Variants in ACBD6 observed in about 807,000 individuals in gnomAD.
ACBD6 encodes the protein acyl-CoA binding domain containing 6.
In ACBD6, 28 loss-of-function variants were observed where a neutral mutation model predicts 37.2. The ratio of observed to expected loss-of-function variants is 0.75; its 90% confidence interval spans 0.56 to 1.03. The LOEUF is 1.03. Among genes scored for constraint, ACBD6 ranks in the 50% least tolerant of loss-of-function variants. The pLI is 0.00. For synonymous variants in ACBD6, 113 were observed against 126.8 expected, an observed-to-expected ratio of 0.89 and a Z score of 0.73; for missense variants, 340 against 337.4, an observed-to-expected ratio of 1.01 and a Z score of -0.06.
intron 6 of ACBD6, among the ~76,000 whole-genome samples, chr1:180,393,104 G>T (rs1269396313): frequency 6.6e-6 from 1 of 152,140 alleles, no homozygotes; most frequent in African/African-American, 2.4e-5. Flanking sequence ...GTGTGCGTGC[G>T]CACGCCCGTA....
At chr1:180,298,862 A>G (rs1221592240) in intron 7 of ACBD6, among the ~76,000 whole-genome samples, 1 of 152,196 alleles carries the variant, frequency 6.6e-6, no homozygotes, top group African/African-American at 2.4e-5. Flanking sequence ...AAAGAATGAG[A>G]CTGAATAACT....
At chr1:180,336,045 T>TCC (rs1327733266) in intron 6 of ACBD6, among the ~76,000 whole-genome samples, 1 of 151,386 alleles carries the variant, frequency 6.6e-6, no homozygotes, top group Non-Finnish European at 1.5e-5. Context: ...AGACTTAGAC[T>TCC]CCCACACAAT....
intron 6 of ACBD6, among the ~76,000 whole-genome samples, chr1:180,376,280 A>G (rs977171531): frequency 6.6e-6 from 1 of 152,200 alleles, no homozygotes; most frequent in Non-Finnish European, 1.5e-5. Flanking sequence ...ACATCTAACA[A>G]AATACTACAT....
At chr1:180,304,900 C>G (rs1344348461) in intron 7 of ACBD6, among the ~76,000 whole-genome samples, 1 of 152,052 alleles carries the variant, frequency 6.6e-6, no homozygotes, top group Non-Finnish European at 1.5e-5. Flanking sequence ...GGTACCAAAA[C>G]AGAGATATAG....
At chr1:180,344,730 G>T (rs1052683387) in intron 6 of ACBD6, among the ~76,000 whole-genome samples, 16 of 152,120 alleles carry the variant, frequency 1.1e-4, no homozygotes, top group African/African-American at 3.9e-4. Context: ...GATGCTCAGA[G>T]ACATTATATA....
At chr1:180,271,903 G>T (rs1029310450) in exon 14 of ACBD6, 3 of 1,613,534 alleles carry the variant, frequency 1.9e-6, no homozygotes, top group African/African-American at 1.3e-5. Flanking sequence ...ACCGCTGGGG[G>T]CAGTTCTATA....
At chr1:180,460,749 C>A (rs550582442) in intron 3 of ACBD6, among the ~76,000 whole-genome samples, 1 of 152,328 alleles carries the variant, frequency 6.6e-6, no homozygotes, top group South Asian at 2.1e-4. Context: ...ATCCACAGGT[C>A]AGCAACCTCA....
At chr1:180,463,277 C>A (rs1371584590) in intron 3 of ACBD6, among the ~76,000 whole-genome samples, 1 of 151,964 alleles carries the variant, frequency 6.6e-6, no homozygotes, top group Non-Finnish European at 1.5e-5. Flanking sequence ...TCGATGAATC[C>A]AGAAGCTGGT....
downstream of ACBD6, chr1:180,286,986 T>C (rs1182966419): frequency 6.6e-6 from 1 of 152,210 alleles, no homozygotes; most frequent in Non-Finnish European, 1.5e-5. Context: ...GCATCTCAAC[T>C]CATTTTTTAT....
chr1:180,473,190 G>A (rs1650635440), intron 3 of ACBD6, among the ~76,000 whole-genome samples: 2 of 152,324 alleles, frequency 1.3e-5, no homozygotes, highest in South Asian at 2.1e-4. Context: ...GCTCACGCCT[G>A]TAATCCCAGC....
At chr1:180,298,274 AAC>A (rs1173061422) in intron 7 of ACBD6, among the ~76,000 whole-genome samples, 1 of 152,220 alleles carries the variant, frequency 6.6e-6, no homozygotes, top group Admixed American at 6.5e-5. Context: ...TATTGTAAGA[AAC>A]ACTTAGGCTT....
chr1:180,482,628 G>A (rs775763210), intron 3 of ACBD6, among the ~76,000 whole-genome samples: 1 of 152,044 alleles, frequency 6.6e-6, no homozygotes, highest in Non-Finnish European at 1.5e-5. Flanking sequence ...TGCTCCCTCT[G>A]GTGGTCACTA....
intron 6 of ACBD6, among the ~76,000 whole-genome samples, chr1:180,364,959 T>C (rs895657629): frequency 3.3e-5 from 5 of 152,144 alleles, no homozygotes; most frequent in Non-Finnish European, 7.3e-5. Context: ...GGTCTCAATC[T>C]TCTGACCTCG....
downstream of ACBD6, among the ~76,000 whole-genome samples, chr1:180,287,761 C>G (rs966406485): frequency 6.6e-6 from 1 of 152,022 alleles, no homozygotes; most frequent in Non-Finnish European, 1.5e-5. Context: ...AAACAGAGTA[C>G]TATTCTAAAA....
At chr1:180,342,351 T>C (rs1377900567) in intron 6 of ACBD6, among the ~76,000 whole-genome samples, 1 of 152,168 alleles carries the variant, frequency 6.6e-6, no homozygotes, top group Admixed American at 6.6e-5. Context: ...AGCACTTTGA[T>C]AAAGGATAGG....
intron 1 of ACBD6, among the ~76,000 whole-genome samples, chr1:180,500,130 G>C (rs1352901875): frequency 1.1e-4 from 14 of 127,856 alleles, no homozygotes; most frequent in Non-Finnish European, 1.4e-4. Flanking sequence ...AACTTTTTTA[G>C]TTAAAAAAAA....
At chr1:180,363,709 G>C (rs1194622986) in intron 6 of ACBD6, among the ~76,000 whole-genome samples, 1 of 84,330 alleles carries the variant, frequency 1.2e-5, no homozygotes, top group African/African-American at 3.8e-5. Flanking sequence ...AGCAGGAGCA[G>C]GAGCAGGAGC....
intron 6 of ACBD6, among the ~76,000 whole-genome samples, chr1:180,323,740 G>A (rs977290667): frequency 6.6e-6 from 1 of 151,852 alleles, no homozygotes; most frequent in Non-Finnish European, 1.5e-5. Context: ...TGTTTCCACT[G>A]GGATGGAATA....
intron 6 of ACBD6, among the ~76,000 whole-genome samples, chr1:180,318,332 T>A (rs1453605319): frequency 6.6e-6 from 1 of 152,184 alleles, no homozygotes; most frequent in Non-Finnish European, 1.5e-5. Flanking sequence ...ATTTGAACAT[T>A]TTAAATTGAC....
Sources: allele counts gnomAD v4.1 joint callset (sites outside exome capture counted in the v4.1 genomes callset), GRCh38; gene constraint gnomAD v4.1.1; transcripts MANE v1.5; gene names NCBI Gene and HGNC (gene_info 2026-07-23, HGNC 2026-07-21).